CIT: variants seen among roughly 807,000 people sequenced by gnomAD.
CIT encodes the protein citron rho-interacting serine/threonine kinase.
A neutral mutation model predicts 272.7 loss-of-function variants in CIT; 79 were observed. That is an observed-to-expected ratio of 0.29 (90% CI 0.24 to 0.35). CIT has a LOEUF of 0.35. Among genes scored for constraint, CIT ranks in the 10% least tolerant of loss-of-function variants. The pLI, the probability that CIT is intolerant of heterozygous loss-of-function variation, is 1.00. For synonymous variants in CIT, 948 were observed against 995.6 expected, an observed-to-expected ratio of 0.95 and a Z score of 0.90; for missense variants, 1,909 against 2,618.3, an observed-to-expected ratio of 0.73 and a Z score of 5.91.
rs1386609806 is a variant in CIT, at chr12:119,686,793, C to T, written c.*1439G>A. 1 of 152,588 alleles carries T rather than the reference C, an allele frequency of 6.6e-6. No homozygotes were observed. The highest frequency in any genetic ancestry group is 1.5e-5 in the Non-Finnish European group (1 of 68,032). 9.5% of individuals were successfully genotyped at this position (152,588 alleles called of 1,614,324 possible). ...GTTCTGTACCAGTTGCCAGGAATTT[C>T]GTACTCTAATAGGAGGGTCCGCAGA... is the stretch of plus-strand genomic sequence containing the variant. On this transcript the variant is annotated 3_prime_UTR_variant, in exon 48 of 48. Transcript: ENST00000392521.
In CIT at chr12:119,718,272, G is replaced by A. The variant is rs780545558; in HGVS notation, c.4141C>T (p.Arg1381Cys). The part of the protein sequence containing the change: ...AMSLLAPPSS[R>C]RKESSTPEEF... ...TCTGGAGTTGAAGACTCCTTTCTGC[G>A]GCTGGATGGCGGGGCCAGCAGGCTC... Residue 1381 changes from arginine (R) to cysteine (C), a missense_variant, in exon 32 of 48, where the codon CGC (arginine) becomes TGC (cysteine). Arg to Cys is a radical substitution (Grantham distance 180). Around this residue, in one of 8 missense-constraint regions of CIT, gnomAD observed 780 missense variants for 1,067.2 expected, o/e 0.73. Coordinates refer to ENST00000392521, the MANE Select transcript of CIT (RefSeq NM_001206999.2). This position sits in a 1 kb window ranked among gnomAD's most constrained non-coding sequence, Gnocchi z 4.8. 1.5e-5 allele frequency: 25 copies of A among 1,613,414 alleles called. No individual in the cohort carries two copies. Among genetic ancestry groups the A allele is most frequent in the Admixed American group, 1.2e-4 (7 of 59,970 alleles).
chr12:119,791,431 C>T lies in CIT; in HGVS notation c.1296-6366G>A, dbSNP rs925762845. The stretch of plus-strand genomic sequence containing the variant: ...GGGAAAGCTCACCCCACAAGAGCAA[C>T]TCTCCCTCCCTCACTTTAGGGTTCA... On this transcript the variant is annotated intron_variant, in intron 10 of 47. Transcript: ENST00000392521. Among the ~76,000 whole-genome samples, 3 of 152,326 alleles carry T rather than the reference C, an allele frequency of 2.0e-5. No homozygotes were observed. The East Asian group carries it at 5.8e-4, about 29-fold the overall frequency.
chr12:119,730,363 AT>A, intron 27 of CIT, 131 bp downstream of exon 27: 3 of 986,334 alleles, frequency 3.0e-6, no homozygotes, highest in South Asian at 2.1e-5. Context: ...ACCATGGGAC[AT>A]TTTTGGAGTG....
intron 17 of CIT, among the ~76,000 whole-genome samples, chr12:119,772,161 T>C (rs971547130): frequency 2.6e-5 from 4 of 151,832 alleles, no homozygotes; most frequent in African/African-American, 9.7e-5. Context: ...ACGCCCCTTC[T>C]GTGGGACAAA....
chr12:119,739,813 T>A (rs148233662), intron 24 of CIT, among the ~76,000 whole-genome samples: 1 of 152,272 alleles, frequency 6.6e-6, no homozygotes, highest in Non-Finnish European at 1.5e-5. Context: ...CCATAAGTTG[T>A]ATTGTTTCTG....
At chr12:119,791,424 A>T (rs1965298771) in intron 10 of CIT, among the ~76,000 whole-genome samples, 1 of 152,172 alleles carries the variant, frequency 6.6e-6, no homozygotes. Context: ...TCACCCCACA[A>T]GAGCAACTCT....
intron 13 of CIT, among the ~76,000 whole-genome samples, chr12:119,777,752 A>G (rs978793274): frequency 2.6e-5 from 4 of 152,184 alleles, no homozygotes; most frequent in African/African-American, 9.7e-5. Context: ...ACACATGCAA[A>G]TCACACCATA....
At chr12:119,815,044 A>G (rs1188231850) in intron 9 of CIT, among the ~76,000 whole-genome samples, 1 of 151,306 alleles carries the variant, frequency 6.6e-6, no homozygotes, top group African/African-American at 2.4e-5. Flanking sequence ...TCTCAAAAAA[A>G]AAAAAAAAAA....
At chr12:119,780,057 G>A (rs1341586499) in intron 13 of CIT, among the ~76,000 whole-genome samples, 6 of 152,146 alleles carry the variant, frequency 3.9e-5, no homozygotes, top group Non-Finnish European at 8.8e-5. Context: ...CCCACCTAAC[G>A]CAAGTCTTCT....
chr12:119,795,368 C>T (rs1290201413), intron 10 of CIT, among the ~76,000 whole-genome samples: 1 of 152,146 alleles, frequency 6.6e-6, no homozygotes, highest in Non-Finnish European at 1.5e-5. Context: ...GCGTGGGCAA[C>T]AGAATGAGAC....
At chr12:119,766,115 T>C (rs1962425569) in intron 19 of CIT, among the ~76,000 whole-genome samples, 2 of 152,060 alleles carry the variant, frequency 1.3e-5, no homozygotes, top group Admixed American at 6.6e-5. Flanking sequence ...GAATAGCTAA[T>C]GCATGCTGGG....
chr12:119,714,042 T>TAA (rs1957314756), intron 33 of CIT, among the ~76,000 whole-genome samples, 155 bp downstream of exon 33: 3 of 152,130 alleles, frequency 2.0e-5, no homozygotes, highest in Non-Finnish European at 4.4e-5. Context: ...ACTCACAGCT[T>TAA]CAACAGGGGA....
intron 9 of CIT, among the ~76,000 whole-genome samples, chr12:119,821,250 G>A (rs1174667935): frequency 9.4e-5 from 14 of 149,532 alleles, no homozygotes; most frequent in Admixed American, 8.0e-4. Context: ...AGCTGAGGTC[G>A]CACCACTGCA....
Position 119,697,960 on chromosome 12 carries a change from G to A in CIT, c.5702+16C>T, listed in dbSNP as rs528707936. 2 of 1,614,080 alleles carry A rather than the reference G, an allele frequency of 1.2e-6. No homozygotes were observed. Among genetic ancestry groups the A allele is most frequent in the Admixed American group, 3.3e-5 (2 of 60,012 alleles). On this transcript the variant is annotated intron_variant, in intron 45 of 47. Transcript: ENST00000392521. The surrounding 1 kb of genome is among the most constrained non-coding windows in gnomAD (Gnocchi z 4.9). ...CAATAGCTGAAGTTTTCCACGCATG[G>A]GAGGACAATGCTTACCCTGCTGAGG...
intron 8 of CIT, 62 bp from the exon 9 acceptor site, chr12:119,823,035 A>C (rs1287143254): frequency 6.7e-7 from 1 of 1,490,964 alleles, no homozygotes; most frequent in Non-Finnish European, 9.1e-7. Flanking sequence ...CATGCTGCAA[A>C]GTGAAGAAAG....
rs761391834 is a variant in CIT at position 119,697,853 on chromosome 12, A to C, written c.5703-15T>G. Reference sequence around the variant, plus strand: ...GGGCAGGGGTCCTGCAGAGTCCCAGAGTTCCAGTTACCTTCATTGCAGGCT... The same window carrying C: ...GGGCAGGGGTCCTGCAGAGTCCCAGCGTTCCAGTTACCTTCATTGCAGGCT... On this transcript the variant is annotated splice_polypyrimidine_tract_variant and intron_variant, in intron 45 of 47. Transcript: ENST00000392521. This position sits in a 1 kb window ranked among gnomAD's most constrained non-coding sequence, Gnocchi z 4.9. 6.2e-7 allele frequency: 1 copy of C among 1,613,818 alleles called. No individual in the cohort carries two copies. Among genetic ancestry groups the C allele is most frequent in the African/African-American group, 1.3e-5 (1 of 75,052 alleles).
chr12:119,728,496 A>G lies in CIT; in HGVS notation c.3591+6T>C, dbSNP rs1468319001. The G allele has an allele frequency of 1.9e-6, 3 of 1,587,880 alleles. No individual in the cohort carries two copies. In the Admixed American group the frequency reaches 5.4e-5, roughly 28 times the overall value. On this transcript the variant is annotated splice_donor_region_variant and intron_variant, in intron 28 of 47. Coordinates refer to ENST00000392521, the MANE Select transcript of CIT (RefSeq NM_001206999.2). This position sits in a 1 kb window ranked among gnomAD's most constrained non-coding sequence, Gnocchi z 4.3. Reference sequence around the variant, plus strand: ...TTGGCCCTTCTCCCAGGTATTTCACACTCACCTCTTCCAGAAGCCTCTGTT... The same window carrying G: ...TTGGCCCTTCTCCCAGGTATTTCACGCTCACCTCTTCCAGAAGCCTCTGTT...
At position 119,740,637 on chromosome 12, in the gene CIT, A is replaced by T. The variant is rs568456283; in HGVS notation, c.2958+1774T>A. Among the ~76,000 whole-genome samples, 59 of 152,296 alleles carry T rather than the reference A, an allele frequency of 3.9e-4. 2 individuals are homozygous for T. In the South Asian group the frequency reaches 0.012, roughly 30 times the overall value. Reference sequence around the variant, plus strand: ...AGGATTACTAATGCACACATTTTTTAAAATCCAAGCTTATATAAGGAAAAA... The same window carrying T: ...AGGATTACTAATGCACACATTTTTTTAAATCCAAGCTTATATAAGGAAAAA... On this transcript the variant is annotated intron_variant, in intron 24 of 47. Transcript: ENST00000392521.
chr12:119,734,023 C>T, intron 26 of CIT, 141 bp downstream of exon 26: 1 of 858,484 alleles, frequency 1.2e-6, no homozygotes, highest in Non-Finnish European at 1.8e-6. Flanking sequence ...CCAAGAGTCT[C>T]CTGGTTTTTA....
Sources: gnomAD v4.1 joint callset for allele counts (sites outside exome capture counted in the v4.1 genomes callset) on GRCh38, gnomAD v4.1.1 for gene constraint, gnomAD v4.1.1 regional missense constraint, Gnocchi (gnomAD v3.1) non-coding constraint, MANE v1.5 for transcripts, NCBI Gene and HGNC (gene_info 2026-07-23, HGNC 2026-07-21) for gene names.